Variants in PANK1 observed in about 807,000 individuals in gnomAD.
PANK1 encodes the protein pantothenic acid kinase 1.
In PANK1, 18 loss-of-function variants were observed where a neutral mutation model predicts 40.1. The ratio of observed to expected loss-of-function variants is 0.45; its 90% CI spans 0.31 to 0.67. The LOEUF is 0.67. Ranked by LOEUF, PANK1 falls within the 30% of genes least tolerant of loss-of-function variation. The pLI, the probability that PANK1 is intolerant of heterozygous loss-of-function variation, is 0.06. For synonymous variants in PANK1, 242 were observed against 237.7 expected (o/e 1.02, Z -0.17); for missense variants, 457 against 599.6 (o/e 0.76, Z 2.48).
At chr10:89,596,483 A>G (rs143948016) in intron 3 of PANK1, among the ~76,000 whole-genome samples, 6 of 152,348 alleles carry the variant, frequency 3.9e-5, no homozygotes, top group Non-Finnish European at 7.3e-5. Context: ...TAAAGCGAGC[A>G]TGCATTTGCA....
chr10:89,588,611 T>C (rs772629267), intron 6 of PANK1, 41 bp downstream of exon 6: 10 of 1,488,618 alleles, frequency 6.7e-6, no homozygotes, highest in East Asian at 2.5e-5. Flanking sequence ...AACCAAAATA[T>C]ACTCCACATA....
intron 1 of PANK1, among the ~76,000 whole-genome samples, chr10:89,614,204 C>A (rs1189631388): frequency 6.6e-6 from 1 of 152,170 alleles, no homozygotes; most frequent in East Asian, 1.9e-4. Context: ...GATGCCTACA[C>A]TGGATAGGAT....
At chr10:89,643,981 A>C in intron 1 of PANK1, 1 of 739,862 alleles carries the variant, frequency 1.4e-6, no homozygotes, top group Non-Finnish European at 2.0e-6. Context: ...TCATTGGTCC[A>C]CATAGTTCCG....
chr10:89,621,635 G>A lies in PANK1; in HGVS notation c.293-9587C>T, dbSNP rs193021889. ...TTGGTAGGCTGGTCTGAGGTGAGGT[G>A]TCTGTTGCTTACAACCGAGAATGTC... On this transcript the variant is annotated intron_variant, in intron 1 of 6. Coordinates refer to ENST00000307534, the MANE Select transcript of PANK1 (RefSeq NM_148977.3). Among the ~76,000 whole-genome samples the A allele has an allele frequency of 4.6e-5, 7 of 152,274 alleles. No homozygotes were observed. In the East Asian group the frequency reaches 7.7e-4, roughly 17 times the overall value.
intron 1 of PANK1, among the ~76,000 whole-genome samples, chr10:89,629,174 C>T (rs947425465): frequency 6.6e-6 from 1 of 152,220 alleles, no homozygotes; most frequent in African/African-American, 2.4e-5. Context: ...GTGTAAGATG[C>T]ATGAGCACCT....
At chr10:89,619,099 T>C (rs1443698803) in intron 1 of PANK1, among the ~76,000 whole-genome samples, 1 of 152,236 alleles carries the variant, frequency 6.6e-6, no homozygotes, top group Non-Finnish European at 1.5e-5. Context: ...GTTAAAAAGG[T>C]ATATAGGTCC....
rs144633865 is a variant in PANK1, at chr10:89,584,717, G to A, written c.1327-252C>T. Among the ~76,000 whole-genome samples, 366 of 152,232 alleles carry A rather than the reference G, an allele frequency of 2.4e-3. 1 individual carries two copies. The highest frequency in any genetic ancestry group is 8.4e-3 in the African/African-American group (350 of 41,540). On this transcript the variant is annotated intron_variant, in intron 6 of 6. Transcript: ENST00000307534. Reference sequence around the variant, plus strand: ...TGCTAAGTGTGTGCCAGGGTTGTTAGTATTATAACTATTTCATCTTTATCT... The same window carrying A: ...TGCTAAGTGTGTGCCAGGGTTGTTAATATTATAACTATTTCATCTTTATCT...
intron 2 of PANK1, among the ~76,000 whole-genome samples, chr10:89,601,185 TA>T (rs1308332422): frequency 1.3e-5 from 2 of 151,838 alleles, no homozygotes. Context: ...AGTTAAGAGG[TA>T]AAACGGGCTG....
rs943130 is a variant in PANK1, at chr10:89,640,721, G to T, written c.292+3879C>A. Among the ~76,000 whole-genome samples, 4 of 152,144 alleles carry T rather than the reference G, an allele frequency of 2.6e-5. No homozygotes were observed. The East Asian group carries it at 7.7e-4, about 29-fold the overall frequency. On this transcript the variant is annotated intron_variant, in intron 1 of 6. Coordinates refer to ENST00000307534, the MANE Select transcript of PANK1 (RefSeq NM_148977.3). The stretch of plus-strand genomic sequence containing the variant: ...ATTAAAATGCAGGCTATCCCACACA[G>T]ACAAAACAGCCTGTCAGTTAAAACC...
chr10:89,592,846 T>C (rs1428112555), intron 5 of PANK1: 2 of 542,628 alleles, frequency 3.7e-6, no homozygotes, highest in East Asian at 1.0e-4. Flanking sequence ...ATATTGCAAG[T>C]CGAGCATTTT....
In PANK1 at chr10:89,599,342, G is replaced by A; in HGVS notation, c.809C>T (p.Pro270Leu). The A allele has an allele frequency of 6.2e-7, 1 of 1,613,036 alleles. No homozygotes were observed. Among genetic ancestry groups the A allele is most frequent in the Non-Finnish European group, 8.5e-7 (1 of 1,179,008 alleles). The change falls in exon 3 of 7, where the codon CCA becomes CTA. Residue 270 changes from proline (P) to leucine (L), a missense_variant. Pro to Leu is a moderately conservative substitution (Grantham distance 98, BLOSUM62 -3). Coordinates refer to ENST00000307534, the MANE Select transcript of PANK1 (RefSeq NM_148977.3). Reference sequence around the variant, plus strand: ...CATGTTAACCAGCAACATAGGGTATGGGTTATCAAGGCAGTACGGCTTTTT... The same window carrying A: ...CATGTTAACCAGCAACATAGGGTATAGGTTATCAAGGCAGTACGGCTTTTT... ...CQKKPYCLDNPYPMLLVNMGS... is the reference protein window; with the variant it reads ...CQKKPYCLDNLYPMLLVNMGS...
At chr10:89,632,043 T>A (rs1215522239) in intron 1 of PANK1, among the ~76,000 whole-genome samples, 1 of 151,988 alleles carries the variant, frequency 6.6e-6, no homozygotes, top group African/African-American at 2.4e-5. Context: ...ACTAAACATA[T>A]GATTTCTGAG....
chr10:89,597,856 C>T (rs1445857952), intron 3 of PANK1, among the ~76,000 whole-genome samples: 1 of 152,196 alleles, frequency 6.6e-6, no homozygotes, highest in Non-Finnish European at 1.5e-5. Flanking sequence ...CCTGACAGTC[C>T]TCATGAGGTC....
At chr10:89,643,326 A>G (rs1447827576) in intron 1 of PANK1, among the ~76,000 whole-genome samples, 1 of 152,260 alleles carries the variant, frequency 6.6e-6, no homozygotes, top group Admixed American at 6.5e-5. Context: ...AACAAGTATC[A>G]AAAACAAAAG....
intron 1 of PANK1, among the ~76,000 whole-genome samples, chr10:89,641,613 T>A (rs1285784821): frequency 3.9e-5 from 6 of 152,084 alleles, no homozygotes; most frequent in African/African-American, 1.4e-4. Flanking sequence ...GCGCCTGTAG[T>A]CCCAGCTACT....
At chr10:89,605,121 C>T (rs1018895983) in intron 2 of PANK1, among the ~76,000 whole-genome samples, 12 of 151,012 alleles carry the variant, frequency 7.9e-5, no homozygotes, top group Admixed American at 3.3e-4. Context: ...CTAAAAAATG[C>T]GAATCATCTG....
chr10:89,588,745 A>C lies in PANK1; in HGVS notation c.1233T>G (p.Phe411Leu), dbSNP rs1375066705. The change falls in exon 6 of 7, where the codon TTT becomes TTG. Residue 411 changes from phenylalanine to leucine, a missense_variant. By Grantham distance (22) the Phe-to-Leu change is conservative. Transcript: ENST00000307534. ...TCATGGAGACCATATTGATTCTGAG[A>C]AAATTTCCAACAAACACAACTCTGT... ...NIDRVVFVGN[F>L]LRINMVSMKL... 1.2e-6 allele frequency: 2 copies of C among 1,603,788 alleles called. No individual in the cohort carries two copies. Among genetic ancestry groups the C allele is most frequent in the Non-Finnish European group, 1.7e-6 (2 of 1,175,158 alleles).
intron 2 of PANK1, among the ~76,000 whole-genome samples, chr10:89,611,495 T>C (rs556198839): frequency 1.3e-5 from 2 of 152,356 alleles, no homozygotes; most frequent in East Asian, 3.9e-4. Flanking sequence ...GTACATATTA[T>C]CTCATTTAAT....
At chr10:89,639,307 A>G in intron 1 of PANK1, 1 of 387,660 alleles carries the variant, frequency 2.6e-6, no homozygotes, top group Non-Finnish European at 5.3e-6. Flanking sequence ...ATTAACCCAT[A>G]CATGAGGGTG....
Sources: allele counts gnomAD v4.1 joint callset (sites outside exome capture counted in the v4.1 genomes callset), GRCh38; gene constraint gnomAD v4.1.1; transcripts MANE v1.5; gene names NCBI Gene and HGNC (gene_info 2026-07-23, HGNC 2026-07-21).